GIMAP1: variants seen among roughly 807,000 people sequenced by gnomAD.
GIMAP1 encodes GTPase, IMAP family member 1, also known as GTPase IMAP family member 1.
For missense variants in GIMAP1, 423 were observed against 411.9 expected (o/e 1.03, Z -0.23); for synonymous variants, 230 against 187.7 (o/e 1.23, Z -1.84).
intron 1 of GIMAP1, among the ~76,000 whole-genome samples, chr7:150,717,179 T>G (rs1797229480): frequency 1.3e-5 from 2 of 152,152 alleles, no homozygotes; most frequent in African/African-American, 4.8e-5. Context: ...GAGATTAATA[T>G]CTTGGTCTTC....
chr7:150,719,131 C>T (rs1797257385), intron 2 of GIMAP1, 41 bp downstream of exon 2: 2 of 1,612,994 alleles, frequency 1.2e-6, no homozygotes, highest in African/African-American at 2.7e-5. Context: ...CCCCCCTAGG[C>T]TTGAACTTAG....
chr7:150,722,090 C>G lies in GIMAP1; in HGVS notation c.*1165C>G, dbSNP rs868748583. ...AATGCCACGTGATTAGAAAATTTGCCGCTGACTGGTTGTGCGAATCAAACA... is the reference window on the plus strand; with the variant it reads ...AATGCCACGTGATTAGAAAATTTGCGGCTGACTGGTTGTGCGAATCAAACA... On this transcript the variant is annotated 3_prime_UTR_variant, in exon 3 of 3. Coordinates refer to ENST00000307194, the MANE Select transcript of GIMAP1 (RefSeq NM_130759.4). The G allele has an allele frequency of 6.6e-6, 1 of 152,208 alleles. No individual in the cohort carries two copies. The highest frequency in any genetic ancestry group is 1.5e-5 in the Non-Finnish European group (1 of 68,066). The allele number at this position is 152,208 out of a possible 1,614,324, so 9.4% of individuals were successfully genotyped here.
In GIMAP1 at chr7:150,720,729, G is replaced by A. The variant is rs748312037; in HGVS notation, c.725G>A (p.Arg242Gln). ...RWAGPEERLR[R>Q]VAERVAARVQ... ...GCAGGCCCTGAGGAGCGGCTCCGGC[G>A]GGTGGCGGAGCGCGTGGCAGCCAGG... The change falls in exon 3 of 3, where the codon CGG (arginine) becomes CAG (glutamine). Residue 242 changes from arginine to glutamine, a missense_variant. By Grantham distance (43) the Arg-to-Gln change is conservative. Transcript: ENST00000307194. This position sits in a 1 kb window ranked among gnomAD's most constrained non-coding sequence, Gnocchi z 4.5. 95 of 1,569,184 alleles carry A rather than the reference G, an allele frequency of 6.1e-5. No homozygotes were observed. In the Middle Eastern group the frequency reaches 2.1e-3, roughly 34 times the overall value.
chr7:150,720,539 G>A lies in GIMAP1; in HGVS notation c.535G>A (p.Ala179Thr). Residue 179 changes from alanine to threonine, a missense_variant, in exon 3 of 3, where the codon GCC becomes ACC. By Grantham distance (58) the Ala-to-Thr change is moderately conservative. Transcript: ENST00000307194. This position sits in a 1 kb window ranked among gnomAD's most constrained non-coding sequence, Gnocchi z 4.5. Reference protein sequence around the residue: ...TENRALRELVAECGGRVCAFD... With the variant: ...TENRALRELVTECGGRVCAFD... ...GAACCGGGCCTTGCGCGAGCTGGTG[G>A]CCGAGTGCGGGGGCCGGGTCTGTGC... The A allele has an allele frequency of 6.2e-7, 1 of 1,609,990 alleles. No homozygotes were observed. The highest frequency in any genetic ancestry group is 2.2e-5 in the East Asian group (1 of 44,878).
chr7:150,716,716 G>T (rs1247491471), intron 1 of GIMAP1, 26 bp downstream of exon 1: 1 of 152,266 alleles, frequency 6.6e-6, no homozygotes, highest in Non-Finnish European at 1.5e-5. Flanking sequence ...GGAGTGGCGG[G>T]GGCTGGGGGT....
Position 150,720,888 on chromosome 7 carries a change from G to A in GIMAP1, c.884G>A (p.Arg295Gln). 6.3e-7 allele frequency: 1 copy of A among 1,593,362 alleles called. No individual in the cohort carries two copies. Among genetic ancestry groups the A allele is most frequent in the Non-Finnish European group, 8.5e-7 (1 of 1,174,588 alleles). The change falls in exon 3 of 3, where the codon CGG becomes CAG. Residue 295 changes from arginine (R) to glutamine (Q), a missense_variant. By Grantham distance (43) the Arg-to-Gln change is conservative (BLOSUM62 1). Coordinates refer to ENST00000307194, the MANE Select transcript of GIMAP1 (RefSeq NM_130759.4). The surrounding 1 kb of genome is among the most constrained non-coding windows in gnomAD (Gnocchi z 4.5). Reference protein sequence around the residue: ...ALLFWVLLHRRWSEAVAEVGP... With the variant: ...ALLFWVLLHRQWSEAVAEVGP... ...CTGTTCTGGGTGCTGCTCCACAGGC[G>A]GTGGTCGGAGGCCGTTGCGGAGGTC... is the stretch of plus-strand genomic sequence containing the variant.
Position 150,720,868 on chromosome 7 carries a change from C to T in GIMAP1, c.864C>T (p.Phe288=). The change falls in exon 3 of 3, where the codon TTC becomes TTT. Residue 288 remains phenylalanine, a synonymous_variant. Transcript: ENST00000307194. This position sits in a 1 kb window ranked among gnomAD's most constrained non-coding sequence, Gnocchi z 4.5. ...TGCTGCTGGGGGGCGCGCTCCTGTT[C>T]TGGGTGCTGCTCCACAGGCGGTGGT... ...LALLLGGALL[F]WVLLHRRWSE... is the part of the protein sequence containing the mutation. 6.2e-7 allele frequency: 1 copy of T among 1,603,786 alleles called. No homozygotes were observed. The highest frequency in any genetic ancestry group is 1.1e-5 in the South Asian group (1 of 90,506).
In GIMAP1 at chr7:150,719,340, G is replaced by C. The variant is rs748978510; in HGVS notation, c.43+250G>C. 25 of 518,038 alleles carry C rather than the reference G, an allele frequency of 4.8e-5. No individual in the cohort carries two copies. The Admixed American group carries it at 5.9e-4, about 12-fold the overall frequency. The allele number at this position is 518,038 out of a possible 1,614,324, so 32.1% of individuals were successfully genotyped here. On this transcript the variant is annotated intron_variant, in intron 2 of 2. Transcript: ENST00000307194. ...GGATAATAAACCTACTCCGATCACC[G>C]CAGAAGAAGTGCAGAGGGGATTAAA...
At position 150,723,225 on chromosome 7, in the gene GIMAP1, T is replaced by G. The variant is rs1797333119; in HGVS notation, c.*2300T>G. ...GATACTTTGATTATGATCTTTTTTT[T>G]TTCATCTTTGTATCCCCGTTATACA... On this transcript the variant is annotated 3_prime_UTR_variant, in exon 3 of 3. Transcript: ENST00000307194. The G allele has an allele frequency of 6.6e-6, 1 of 152,360 alleles. No individual in the cohort carries two copies. Among genetic ancestry groups the G allele is most frequent in the South Asian group, 2.1e-4 (1 of 4,834 alleles). 9.4% of individuals were successfully genotyped at this position (152,360 alleles called of 1,614,324 possible). A position where few individuals can be genotyped will look rare whatever the true frequency, so the allele number is the denominator to read the frequency against.
chr7:150,720,072 G>C lies in GIMAP1; in HGVS notation c.68G>C (p.Arg23Pro). 6.2e-7 allele frequency: 1 copy of C among 1,609,926 alleles called. No individual in the cohort carries two copies. The highest frequency in any genetic ancestry group is 8.5e-7 in the Non-Finnish European group (1 of 1,177,788). ...GGTTTAGAAGAGAACGCTCAGTCCC[G>C]GCAGGAGTCCACGCGGAGGCTCATC... The part of the protein sequence containing the change: ...VYGLEENAQS[R>P]QESTRRLILV... Residue 23 changes from arginine (R) to proline (P), a missense_variant, in exon 3 of 3, where the codon CGG (arginine) becomes CCG (proline). Transcript: ENST00000307194. The surrounding 1 kb of genome is among the most constrained non-coding windows in gnomAD (Gnocchi z 4.5).
At chr7:150,717,128 C>T (rs1175141798) in intron 1 of GIMAP1, among the ~76,000 whole-genome samples, 1 of 152,158 alleles carries the variant, frequency 6.6e-6, no homozygotes, top group Non-Finnish European at 1.5e-5. Context: ...TTTGAACTCT[C>T]CTCCTCACTG....
In GIMAP1 at chr7:150,722,872, G is replaced by A. The variant is rs962757364; in HGVS notation, c.*1947G>A. On this transcript the variant is annotated 3_prime_UTR_variant, in exon 3 of 3. Coordinates refer to ENST00000307194, the MANE Select transcript of GIMAP1 (RefSeq NM_130759.4). ...CTATGGAAAGGAGCCAAAACTTCCAGCTGTTGCCTTAGCAATGGTAACCTG... is the reference window on the plus strand; with the variant it reads ...CTATGGAAAGGAGCCAAAACTTCCAACTGTTGCCTTAGCAATGGTAACCTG... 6.6e-6 allele frequency: 1 copy of A among 152,226 alleles called. No homozygotes were observed. The highest frequency in any genetic ancestry group is 2.4e-5 in the African/African-American group (1 of 41,444). 9.4% of individuals were successfully genotyped at this position (152,226 alleles called of 1,614,324 possible).
chr7:150,720,736 G>T lies in GIMAP1; in HGVS notation c.732G>T (p.Ala244=). 6.4e-7 allele frequency: 1 copy of T among 1,565,338 alleles called. No individual in the cohort carries two copies. Among genetic ancestry groups the T allele is most frequent in the Non-Finnish European group, 8.7e-7 (1 of 1,155,350 alleles). ...CTGAGGAGCGGCTCCGGCGGGTGGC[G>T]GAGCGCGTGGCAGCCAGGGTGCAGA... ...AGPEERLRRV[A]ERVAARVQRR... Residue 244 remains alanine (A), a synonymous_variant, in exon 3 of 3, where the codon GCG becomes GCT. Coordinates refer to ENST00000307194, the MANE Select transcript of GIMAP1 (RefSeq NM_130759.4). This position sits in a 1 kb window ranked among gnomAD's most constrained non-coding sequence, Gnocchi z 4.5.
rs776261067 is a variant in GIMAP1 at position 150,723,132 on chromosome 7, T to C, written c.*2207T>C. 2 of 152,224 alleles carry C rather than the reference T, an allele frequency of 1.3e-5. No individual in the cohort carries two copies. Among genetic ancestry groups the C allele is most frequent in the African/African-American group, 4.8e-5 (2 of 41,458 alleles). The allele number at this position is 152,224 out of a possible 1,614,324, so 9.4% of individuals were successfully genotyped here. Reference sequence around the variant, plus strand: ...TGCTATCATCTTTGAATTTGAATAATGTATTATTAAAGAAGTTACAGTTTT... The same window carrying C: ...TGCTATCATCTTTGAATTTGAATAACGTATTATTAAAGAAGTTACAGTTTT... On this transcript the variant is annotated 3_prime_UTR_variant, in exon 3 of 3. Coordinates refer to ENST00000307194, the MANE Select transcript of GIMAP1 (RefSeq NM_130759.4).
In GIMAP1 at chr7:150,720,463, G is replaced by A; in HGVS notation, c.459G>A (p.Arg153=). The change falls in exon 3 of 3, where the codon AGG becomes AGA. Residue 153 remains arginine (R), a synonymous_variant. Transcript: ENST00000307194. This position sits in a 1 kb window ranked among gnomAD's most constrained non-coding sequence, Gnocchi z 4.5. ...AATGGATGGTCATCGTCTTCACCAG[G>A]AAGGAGGACCTGGCCGGGGGCTCCC... ...VLKWMVIVFT[R]KEDLAGGSLH... is the part of the protein sequence containing the mutation. The A allele has an allele frequency of 6.4e-7, 1 of 1,572,436 alleles. No homozygotes were observed. The highest frequency in any genetic ancestry group is 8.6e-7 in the Non-Finnish European group (1 of 1,158,382).
rs1797337610 is a variant in GIMAP1, at chr7:150,723,533, A to G, written c.*2608A>G. 6.6e-6 allele frequency: 1 copy of G among 152,210 alleles called. No individual in the cohort carries two copies. The highest frequency in any genetic ancestry group is 2.1e-4 in the South Asian group (1 of 4,836). The allele number at this position is 152,210 out of a possible 1,614,324, so 9.4% of individuals were successfully genotyped here. A position where few individuals can be genotyped will look rare whatever the true frequency, so the allele number is the denominator to read the frequency against. On this transcript the variant is annotated 3_prime_UTR_variant, in exon 3 of 3. Coordinates refer to ENST00000307194, the MANE Select transcript of GIMAP1 (RefSeq NM_130759.4). ...TTATTTTATCCTTTTCTCCTGCTAC[A>G]GAACAGTTGGCATTCACCATTCCCT...
chr7:150,717,493 A>G (rs2116536100), intron 1 of GIMAP1, among the ~76,000 whole-genome samples: 1 of 152,324 alleles, frequency 6.6e-6, no homozygotes, highest in Admixed American at 6.5e-5. Flanking sequence ...ACAGGATTCT[A>G]TAAGTGTACA....
In GIMAP1 at chr7:150,720,396, C is replaced by T. The variant is rs1365373635; in HGVS notation, c.392C>T (p.Ala131Val). 4 of 1,591,462 alleles carry T rather than the reference C, an allele frequency of 2.5e-6. No homozygotes were observed. The Admixed American group carries it at 6.9e-5, about 27-fold the overall frequency. Residue 131 changes from alanine to valine, a missense_variant, in exon 3 of 3, where the codon GCG (alanine) becomes GTG (valine). Ala to Val is a moderately conservative substitution (Grantham distance 64). Coordinates refer to ENST00000307194, the MANE Select transcript of GIMAP1 (RefSeq NM_130759.4). This position sits in a 1 kb window ranked among gnomAD's most constrained non-coding sequence, Gnocchi z 4.5. ...CGGTTCACCGCCCAGGACCAGCAGGCGGTGAGGCAGGTGAGGGACATGTTC... is the reference window on the plus strand; with the variant it reads ...CGGTTCACCGCCCAGGACCAGCAGGTGGTGAGGCAGGTGAGGGACATGTTC... Reference protein sequence around the residue: ...LGRFTAQDQQAVRQVRDMFGE... With the variant: ...LGRFTAQDQQVVRQVRDMFGE...
intron 2 of GIMAP1, 87 bp downstream of exon 2, chr7:150,719,177 C>T (rs897115954): frequency 2.6e-6 from 4 of 1,562,298 alleles, no homozygotes; most frequent in East Asian, 2.2e-5. Flanking sequence ...CAAGACTGAA[C>T]AGAGATAAGT....
Sources: gnomAD v4.1 joint callset for allele counts (sites outside exome capture counted in the v4.1 genomes callset) on GRCh38, gnomAD v4.1.1 for gene constraint, Gnocchi (gnomAD v3.1) non-coding constraint, MANE v1.5 for transcripts, NCBI Gene and HGNC (gene_info 2026-07-23, HGNC 2026-07-21) for gene names.